BICD1: variants seen among roughly 807,000 people sequenced by gnomAD.
BICD1 encodes protein bicaudal D homolog 1.
Under a neutral mutation model 92.5 loss-of-function variants are expected in BICD1, and 35 were observed. The observed-to-expected ratio is 0.38, with a 90% CI of 0.29 to 0.50. The LOEUF (loss-of-function observed/expected upper bound fraction) is 0.50, where lower values mean the gene tolerates loss of function less well. BICD1 is among the 20% of genes least tolerant of loss of function. The probability of loss-of-function intolerance (pLI) is 0.93; values close to 1 mark genes in which losing one functional copy is unlikely to be tolerated. For synonymous variants in BICD1, 429 were observed against 465.1 expected (o/e 0.92, Z 1.00); for missense variants, 950 against 1,189.8 (o/e 0.80, Z 2.97).
intron 8 of BICD1, among the ~76,000 whole-genome samples, chr12:32,365,019 C>G (rs570072724): frequency 1.3e-5 from 2 of 152,032 alleles, no homozygotes; most frequent in African/African-American, 4.8e-5. Flanking sequence ...GTGGATCACC[C>G]GAAGTCAGGA....
intron 2 of BICD1, among the ~76,000 whole-genome samples, chr12:32,244,480 A>C (rs533398435): frequency 1.3e-5 from 2 of 152,184 alleles, no homozygotes; most frequent in African/African-American, 4.8e-5. Flanking sequence ...GCAGGCTGTC[A>C]TTAATTGGAG....
chr12:32,383,182 T>G lies in BICD1; in HGVS notation c.*5555T>G, dbSNP rs1167367035. 6.6e-6 allele frequency: 1 copy of G among 152,166 alleles called. No individual in the cohort carries two copies. Among genetic ancestry groups the G allele is most frequent in the African/African-American group, 2.4e-5 (1 of 41,470 alleles). The allele number at this position is 152,166 out of a possible 1,614,324, so 9.4% of individuals were successfully genotyped here. On this transcript the variant is annotated 3_prime_UTR_variant, in exon 10 of 10. Coordinates refer to ENST00000652176, the MANE Select transcript of BICD1 (RefSeq NM_001714.4). The stretch of plus-strand genomic sequence containing the variant: ...TTGTAATGATTCAACTGTTCCTACA[T>G]TTAATTGCAGTTTAATTATTATGCC...
chr12:32,144,569 G>T (rs999171657), intron 1 of BICD1, among the ~76,000 whole-genome samples: 1 of 152,076 alleles, frequency 6.6e-6, no homozygotes, highest in African/African-American at 2.4e-5. Flanking sequence ...CATCATCTGG[G>T]CTAAATGAAG....
intron 1 of BICD1, among the ~76,000 whole-genome samples, chr12:32,215,953 CA>C (rs56005523): frequency 0.013 from 866 of 67,850 alleles, 4 homozygotes; most frequent in African/African-American, 0.046. Context: ...GACTCCGTCT[CA>C]AAAAAAAAAA....
chr12:32,108,080 ATTC>A (rs1372372217), intron 1 of BICD1: 1 of 249,026 alleles, frequency 4.0e-6, no homozygotes, highest in African/African-American at 2.2e-5. Context: ...GGCTTTAGTC[ATTC>A]TTGTCATTGG....
chr12:32,179,535 T>C (rs1944210926), intron 1 of BICD1, among the ~76,000 whole-genome samples: 1 of 151,976 alleles, frequency 6.6e-6, no homozygotes, highest in Non-Finnish European at 1.5e-5. Flanking sequence ...AGTCTAATGA[T>C]GTGATAATTG....
In BICD1 at chr12:32,222,987, TAA is replaced by T. The variant is rs571426757; in HGVS notation, c.426+6529_426+6530del. 1.8e-3 allele frequency among the ~76,000 whole-genome samples: 276 copies of T among 152,368 alleles called. 2 individuals are homozygous for T. The highest frequency in any genetic ancestry group is 2.4e-3 in the Non-Finnish European group (165 of 68,034). The stretch of plus-strand genomic sequence containing the variant: ...AAATTCTAATGCAAGGTTTCTTCTA[TAA>T]GGTTATTTTGTCTATGTTGAAAATC... On this transcript the variant is annotated intron_variant, in intron 2 of 9. Transcript: ENST00000652176.
chr12:32,135,560 C>G (rs1942707752), intron 1 of BICD1, among the ~76,000 whole-genome samples: 1 of 151,876 alleles, frequency 6.6e-6, no homozygotes, highest in South Asian at 2.1e-4. Flanking sequence ...ATCACCACAC[C>G]TGGCTAATTT....
intron 1 of BICD1, among the ~76,000 whole-genome samples, chr12:32,142,265 G>A (rs2121372928): frequency 6.6e-6 from 1 of 151,904 alleles, no homozygotes; most frequent in Non-Finnish European, 1.5e-5. Flanking sequence ...AATTAGCCAG[G>A]TGTGGTGGCA....
chr12:32,265,396 A>G (rs73312712), intron 2 of BICD1, among the ~76,000 whole-genome samples: 4,259 of 152,190 alleles, frequency 0.028, 219 homozygotes, highest in African/African-American at 0.098. Flanking sequence ...TTTCACATCA[A>G]TTCAGTTGGT....
At chr12:32,207,004 A>G (rs1293656699) in intron 1 of BICD1, among the ~76,000 whole-genome samples, 2 of 152,338 alleles carry the variant, frequency 1.3e-5, no homozygotes, top group Middle Eastern at 3.4e-3. Flanking sequence ...ACAGAAACAT[A>G]CATATATGGT....
At chr12:32,203,718 C>T (rs756518037) in intron 1 of BICD1, among the ~76,000 whole-genome samples, 4 of 152,078 alleles carry the variant, frequency 2.6e-5, no homozygotes, top group African/African-American at 7.2e-5. Context: ...ACCACTGGAC[C>T]GCTGCATATG....
At chr12:32,367,070 T>G (rs1939550467) in intron 8 of BICD1, among the ~76,000 whole-genome samples, 2 of 152,206 alleles carry the variant, frequency 1.3e-5, no homozygotes, top group South Asian at 4.1e-4. Context: ...CAATTTACTA[T>G]GTAATAGACA....
At chr12:32,329,924 T>C (rs1937766950) in intron 5 of BICD1, among the ~76,000 whole-genome samples, 1 of 152,184 alleles carries the variant, frequency 6.6e-6, no homozygotes, top group Non-Finnish European at 1.5e-5. Flanking sequence ...AGAAAGGTGC[T>C]GAATAAATGT....
chr12:32,355,697 G>C (rs773683597), intron 8 of BICD1, among the ~76,000 whole-genome samples: 1 of 152,024 alleles, frequency 6.6e-6, no homozygotes, highest in Non-Finnish European at 1.5e-5. Flanking sequence ...AGCTACTCGG[G>C]AGGCTGAGGC....
intron 1 of BICD1, among the ~76,000 whole-genome samples, chr12:32,124,135 G>T (rs11051808): frequency 0.15 from 22,703 of 152,140 alleles, 2,007 homozygotes; most frequent in Non-Finnish European, 0.18. Context: ...TACTGGTTCT[G>T]TGCTACAGTT....
intron 8 of BICD1, among the ~76,000 whole-genome samples, chr12:32,347,481 T>C (rs1176050974): frequency 2.0e-5 from 3 of 151,334 alleles, no homozygotes; most frequent in Non-Finnish European, 4.4e-5. Flanking sequence ...CTACTAAAAA[T>C]ACAAAAATTA....
At chr12:32,348,465 AAAG>A (rs138340201) in intron 8 of BICD1, among the ~76,000 whole-genome samples, 4,434 of 152,020 alleles carry the variant, frequency 0.029, 254 homozygotes, top group East Asian at 0.27. Context: ...CCATAAAGTG[AAAG>A]AAGAAGTACT....
chr12:32,310,005 C>T (rs1424340603), intron 4 of BICD1, among the ~76,000 whole-genome samples: 4 of 152,150 alleles, frequency 2.6e-5, no homozygotes, highest in Non-Finnish European at 5.9e-5. Context: ...GAGAGGCCGC[C>T]TTGTGCCTCT....
Sources: gnomAD v4.1 joint callset for allele counts (sites outside exome capture counted in the v4.1 genomes callset) on GRCh38, gnomAD v4.1.1 for gene constraint, MANE v1.5 for transcripts, NCBI Gene and HGNC (gene_info 2026-07-23, HGNC 2026-07-21) for gene names.